The following ARMC2 variants were observed in gnomAD, a reference collection of about 807,000 sequenced individuals.
The protein encoded by ARMC2 is armadillo repeat containing 2.
A neutral mutation model predicts 90.3 loss-of-function variants in ARMC2; 67 were observed. That is an observed-to-expected ratio of 0.74 (90% CI 0.61 to 0.91). The LOEUF (loss-of-function observed/expected upper bound fraction) is 0.91. Among genes scored for constraint, ARMC2 ranks in the 40% least tolerant of loss-of-function variants. ARMC2 has a pLI of 0.00. For missense variants in ARMC2, 920 were observed against 1,030.9 expected (o/e 0.89, Z 1.47); for synonymous variants, 393 against 393.0 (o/e 1.00, Z 0.00).
the ARMC2 span, among the ~76,000 whole-genome samples, chr6:109,020,589 A>G: frequency 8.8e-3 from 1,339 of 152,140 alleles, 25 homozygotes; most frequent in African/African-American, 0.031. Flanking sequence ...ATTCTATACA[A>G]TTTTTTCCTC....
chr6:109,033,078 G>C, the ARMC2 span, among the ~76,000 whole-genome samples: 1 of 152,028 alleles, frequency 6.6e-6, no homozygotes, highest in East Asian at 1.9e-4. Flanking sequence ...TCAGAGGAGG[G>C]GAAAAAGTCA....
intron 11 of ARMC2, among the ~76,000 whole-genome samples, chr6:108,935,561 C>A (rs950697939): frequency 2.6e-5 from 4 of 152,166 alleles, no homozygotes; most frequent in African/African-American, 9.7e-5. Context: ...CCTGCCTCAA[C>A]CTGCAGAGTA....
the ARMC2 span, among the ~76,000 whole-genome samples, chr6:109,049,317 CA>C: frequency 8.2e-4 from 112 of 136,968 alleles, 1 homozygote; most frequent in Middle Eastern, 7.2e-3. Flanking sequence ...ATGTGAAAGC[CA>C]AAAAAAAAAA....
chr6:108,969,159 A>C (rs1433042660), intron 17 of ARMC2, among the ~76,000 whole-genome samples: 2 of 152,220 alleles, frequency 1.3e-5, no homozygotes, highest in Non-Finnish European at 2.9e-5. Flanking sequence ...TGACAAGGGT[A>C]GAGCGGGGCC....
chr6:109,023,110 T>C, the ARMC2 span, among the ~76,000 whole-genome samples: 5 of 152,174 alleles, frequency 3.3e-5, no homozygotes, highest in Admixed American at 2.0e-4. Flanking sequence ...TGGTTCCCCA[T>C]TGAGACAAAA....
chr6:109,026,504 A>T, the ARMC2 span, among the ~76,000 whole-genome samples: 1 of 152,000 alleles, frequency 6.6e-6, no homozygotes, highest in East Asian at 1.9e-4. Context: ...TGTAGGTTTA[A>T]CTTTTTTTTT....
intron 7 of ARMC2, among the ~76,000 whole-genome samples, chr6:108,903,168 A>C (rs1772322653): frequency 6.6e-6 from 1 of 152,174 alleles, no homozygotes; most frequent in South Asian, 2.1e-4. Context: ...ACTCCATCTC[A>C]AAAAAATATA....
the ARMC2 span, chr6:108,994,438 T>G: frequency 1.9e-6 from 3 of 1,554,438 alleles, no homozygotes; most frequent in Non-Finnish European, 2.6e-6. Context: ...ATAATTATAT[T>G]GACTATATAA....
the ARMC2 span, among the ~76,000 whole-genome samples, chr6:109,009,764 A>G: frequency 1.8e-4 from 27 of 152,130 alleles, no homozygotes; most frequent in South Asian, 5.6e-3. Context: ...GCTAATTCTC[A>G]GGTACGGAAT....
Position 108,875,711 on chromosome 6 carries a change from C to T in ARMC2, c.464-432C>T, listed in dbSNP as rs535396158. On this transcript the variant is annotated intron_variant, in intron 4 of 17. Coordinates refer to ENST00000392644, the MANE Select transcript of ARMC2 (RefSeq NM_032131.6). The stretch of plus-strand genomic sequence containing the variant: ...GATTAGGTTGTAAGCCCTGTGAGAT[C>T]AGAGATCTATTTTGATGCACACCAA... Among the ~76,000 whole-genome samples the T allele has an allele frequency of 1.4e-4, 22 of 152,234 alleles. No homozygotes were observed. The East Asian group carries it at 3.1e-3, about 21-fold the overall frequency.
chr6:109,049,345 T>C, the ARMC2 span, among the ~76,000 whole-genome samples: 2 of 149,890 alleles, frequency 1.3e-5, no homozygotes, highest in African/African-American at 4.9e-5. Context: ...CTCATGGAAG[T>C]AAAAGGTAGA....
At chr6:108,949,692 G>A (rs1777044681) in intron 12 of ARMC2, among the ~76,000 whole-genome samples, 1 of 152,196 alleles carries the variant, frequency 6.6e-6, no homozygotes, top group Admixed American at 6.5e-5. Context: ...AGAGCCCAGG[G>A]CAGGGCCTTT....
At chr6:109,043,521 C>T in the ARMC2 span, among the ~76,000 whole-genome samples, 1 of 152,040 alleles carries the variant, frequency 6.6e-6, no homozygotes, top group Non-Finnish European at 1.5e-5. Context: ...GGGAGTTGAG[C>T]AGGTTGCAGG....
At chr6:108,935,879 T>G (rs942903632) in intron 11 of ARMC2, among the ~76,000 whole-genome samples, 2 of 152,248 alleles carry the variant, frequency 1.3e-5, no homozygotes, top group Admixed American at 6.5e-5. Flanking sequence ...ATTTATTTTT[T>G]AAATGATTTC....
At chr6:108,962,985 C>T (rs549954808) in intron 15 of ARMC2, among the ~76,000 whole-genome samples, 14 of 151,712 alleles carry the variant, frequency 9.2e-5, no homozygotes, top group African/African-American at 2.2e-4. Context: ...GGAGACAGAG[C>T]GACACTCTAT....
the ARMC2 span, among the ~76,000 whole-genome samples, chr6:109,026,263 C>T: frequency 6.6e-6 from 1 of 152,112 alleles, no homozygotes; most frequent in African/African-American, 2.4e-5. Context: ...AGATCCTCAA[C>T]TGAAGGAGTG....
chr6:109,051,617 T>A, the ARMC2 span, among the ~76,000 whole-genome samples: 2 of 152,234 alleles, frequency 1.3e-5, no homozygotes, highest in Non-Finnish European at 2.9e-5. Flanking sequence ...TTTTCTTTTT[T>A]TCTGTAATTG....
chr6:108,855,244 G>C (rs1320017189), intron 2 of ARMC2, among the ~76,000 whole-genome samples: 1 of 144,976 alleles, frequency 6.9e-6, no homozygotes, highest in Non-Finnish European at 1.5e-5. Context: ...CTTTCTTTTT[G>C]TTTTTCTTTT....
intron 14 of ARMC2, 32 bp downstream of exon 14, chr6:108,961,726 G>A: frequency 1.3e-6 from 2 of 1,553,820 alleles, no homozygotes; most frequent in Middle Eastern, 2.2e-4. Context: ...GGATAAATGA[G>A]TGCTCATTTG....
Sources: gnomAD v4.1 joint callset for allele counts (sites outside exome capture counted in the v4.1 genomes callset) on GRCh38, gnomAD v4.1.1 for gene constraint, MANE v1.5 for transcripts, NCBI Gene and HGNC (gene_info 2026-07-23, HGNC 2026-07-21) for gene names.